The following DAB2IP variants were observed in gnomAD, a reference collection of about 807,000 sequenced individuals.
The protein encoded by DAB2IP is disabled homolog 2-interacting protein.
DAB2IP carries 28 observed loss-of-function variants against 107.2 expected under a neutral mutation model. The observed-to-expected ratio is 0.26, with a 90% CI of 0.19 to 0.36. DAB2IP has a LOEUF of 0.36. DAB2IP is among the 10% of genes least tolerant of loss of function. The pLI, the probability that DAB2IP is intolerant of heterozygous loss-of-function variation, is 1.00. For synonymous variants in DAB2IP, 755 were observed against 706.4 expected (o/e 1.07, Z -1.09); for missense variants, 1,400 against 1,644.7 (o/e 0.85, Z 2.57).
intron 1 of DAB2IP, among the ~76,000 whole-genome samples, chr9:121,643,289 C>T (rs1394528556): frequency 6.6e-6 from 1 of 151,914 alleles, no homozygotes; most frequent in African/African-American, 2.4e-5. Flanking sequence ...TCATTTTTTG[C>T]AGAGGGAGGA....
At chr9:121,580,677 T>G (rs1830171405) in intron 1 of DAB2IP, among the ~76,000 whole-genome samples, 1 of 151,432 alleles carries the variant, frequency 6.6e-6, no homozygotes, top group Non-Finnish European at 1.5e-5. Context: ...CAGGCTGGAG[T>G]CCAGTGGCGC....
intron 1 of DAB2IP, among the ~76,000 whole-genome samples, chr9:121,678,289 G>A (rs938544007): frequency 6.6e-6 from 1 of 152,190 alleles, no homozygotes; most frequent in African/African-American, 2.4e-5. Context: ...TGTTTTCAAG[G>A]TCCATCCACA....
intron 1 of DAB2IP, among the ~76,000 whole-genome samples, chr9:121,592,946 C>T (rs1362293317): frequency 1.3e-5 from 2 of 152,082 alleles, no homozygotes; most frequent in Non-Finnish European, 2.9e-5. Context: ...CAGTGTTGTA[C>T]AGCGCCTCAC....
intron 1 of DAB2IP, among the ~76,000 whole-genome samples, chr9:121,624,274 G>A (rs1027788865): frequency 6.6e-6 from 1 of 152,250 alleles, no homozygotes; most frequent in Non-Finnish European, 1.5e-5. Flanking sequence ...GGACTGACCA[G>A]GTTAACACCT....
chr9:121,648,681 G>A (rs1832629405), upstream of DAB2IP, among the ~76,000 whole-genome samples: 1 of 152,206 alleles, frequency 6.6e-6, no homozygotes. Flanking sequence ...ACTGAGTGAA[G>A]GTGATTTGGG....
Position 121,776,989 on chromosome 9 carries a change from G to C in DAB2IP, c.3314+598G>C, listed in dbSNP as rs988534630. Among the ~76,000 whole-genome samples, 1 of 152,112 alleles carries C rather than the reference G, an allele frequency of 6.6e-6. No individual in the cohort carries two copies. Reference sequence around the variant, plus strand: ...TGGGAAAGGGCTTCAGAGGAACAGCGGGTTTTAATGCTGACTCTCATCTTT... The same window carrying C: ...TGGGAAAGGGCTTCAGAGGAACAGCCGGTTTTAATGCTGACTCTCATCTTT... On this transcript the variant is annotated intron_variant, in intron 14 of 15. Coordinates refer to ENST00000408936, the Ensembl canonical transcript of DAB2IP. The surrounding 1 kb of genome is among the most constrained non-coding windows in gnomAD (Gnocchi z 5.4).
intron 10 of DAB2IP, among the ~76,000 whole-genome samples, chr9:121,769,479 T>G (rs1834539193): frequency 6.6e-6 from 1 of 152,366 alleles, no homozygotes; most frequent in Non-Finnish European, 1.5e-5. Flanking sequence ...TGGGCCTCTT[T>G]GCTTGTCAGT....
At chr9:121,705,021 G>A (rs1340036077) in intron 3 of DAB2IP, among the ~76,000 whole-genome samples, 1 of 152,244 alleles carries the variant, frequency 6.6e-6, no homozygotes, top group Non-Finnish European at 1.5e-5. Context: ...AGAGGAAGGG[G>A]AGAGCCACAG....
chr9:121,680,242 T>C (rs989900425), intron 2 of DAB2IP, among the ~76,000 whole-genome samples: 8 of 152,178 alleles, frequency 5.3e-5, no homozygotes, highest in Non-Finnish European at 1.2e-4. Context: ...GGATGGGGCT[T>C]TCCCCAGGGC....
chr9:121,616,511 T>G (rs890682861), intron 1 of DAB2IP, among the ~76,000 whole-genome samples: 16 of 152,188 alleles, frequency 1.1e-4, no homozygotes, highest in Non-Finnish European at 2.1e-4. Context: ...GGCTAGCGGC[T>G]CTGCTGGTGG....
rs971629560 is a variant in DAB2IP at position 121,599,507 on chromosome 9, A to C, written c.40+32279A>C. Among the ~76,000 whole-genome samples the C allele has an allele frequency of 6.6e-6, 1 of 151,678 alleles. No individual in the cohort carries two copies. The highest frequency in any genetic ancestry group is 2.4e-5 in the African/African-American group (1 of 41,330). On this transcript the variant is annotated intron_variant, in intron 1 of 16. Coordinates refer to the DAB2IP transcript ENST00000259371. The surrounding 1 kb of genome is among the most constrained non-coding windows in gnomAD (Gnocchi z 6.9). ...GGGCCTGCGATTGGCAGGGCTGGGC[A>C]GGCCGGGTGGCCGCGGGAGCCCGGG... is the stretch of plus-strand genomic sequence containing the variant.
chr9:121,783,353 C>T (rs1169434812), exon 16 of DAB2IP: 15 of 1,475,444 alleles, frequency 1.0e-5, no homozygotes, highest in Non-Finnish European at 1.3e-5. Flanking sequence ...TGGCTCTGAG[C>T]ACTGTATCTG....
chr9:121,678,448 G>C (rs2119135299), intron 1 of DAB2IP, among the ~76,000 whole-genome samples: 1 of 152,324 alleles, frequency 6.6e-6, no homozygotes, highest in Admixed American at 6.5e-5. Context: ...ACAGGTATTT[G>C]AGTACTTGTT....
chr9:121,646,967 A>G (rs947167626), upstream of DAB2IP, among the ~76,000 whole-genome samples: 1 of 152,048 alleles, frequency 6.6e-6, no homozygotes, highest in Non-Finnish European at 1.5e-5. Context: ...GCCTCCTAGG[A>G]TTATTCTGAA....
intron 2 of DAB2IP, among the ~76,000 whole-genome samples, chr9:121,692,718 G>C (rs978158498): frequency 1.3e-5 from 2 of 152,230 alleles, no homozygotes; most frequent in African/African-American, 4.8e-5. Flanking sequence ...CTTAATCCCA[G>C]CTTAAGGTGC....
intron 2 of DAB2IP, among the ~76,000 whole-genome samples, chr9:121,692,870 A>G (rs1473512357): frequency 6.6e-6 from 1 of 152,204 alleles, no homozygotes; most frequent in Non-Finnish European, 1.5e-5. Context: ...ACCGGGGAAC[A>G]GGGAAGGGGA....
intron 1 of DAB2IP, among the ~76,000 whole-genome samples, chr9:121,637,562 C>CT (rs1832132502): frequency 6.6e-6 from 1 of 152,172 alleles, no homozygotes; most frequent in Non-Finnish European, 1.5e-5. Context: ...CCAATGGTCT[C>CT]TCTGTTGGAG....
rs750215630 is a variant in DAB2IP, at chr9:121,699,316, C to T, written c.229-9C>T. The T allele has an allele frequency of 4.2e-6, 6 of 1,443,874 alleles. No homozygotes were observed. The highest frequency in any genetic ancestry group is 1.3e-5 in the South Asian group (1 of 75,770). The allele number at this position is 1,443,874 out of a possible 1,614,324, so 89.4% of individuals were successfully genotyped here. ...CCTCCCCTTCCCCCTCTTGTCCCCC[C>T]GTGCGCAGGGCTTCCTCAGCCGCCG... On this transcript the variant is annotated splice_polypyrimidine_tract_variant and intron_variant, in intron 2 of 15. Coordinates refer to ENST00000408936, the Ensembl canonical transcript of DAB2IP. This position sits in a 1 kb window ranked among gnomAD's most constrained non-coding sequence, Gnocchi z 6.2.
At chr9:121,783,514 G>C (rs769766207) in exon 16 of DAB2IP, 1 of 1,613,736 alleles carries the variant, frequency 6.2e-7, no homozygotes, top group Non-Finnish European at 8.5e-7. Context: ...GTGGATAACT[G>C]TGATTTTTTT....
Sources: allele counts gnomAD v4.1 joint callset (sites outside exome capture counted in the v4.1 genomes callset), GRCh38; gene constraint gnomAD v4.1.1; non-coding constraint Gnocchi (gnomAD v3.1); transcripts MANE v1.5; gene names NCBI Gene and HGNC (gene_info 2026-07-23, HGNC 2026-07-21).